Variants in PDE6B observed in about 807,000 individuals in gnomAD.
The protein encoded by PDE6B is rod cGMP-specific 3',5'-cyclic phosphodiesterase subunit beta.
A neutral mutation model predicts 109.0 loss-of-function variants in PDE6B; 106 were observed. The observed-to-expected ratio is 0.97, with a 90% CI of 0.83 to 1.14. PDE6B has a LOEUF of 1.14. Ranked by LOEUF, PDE6B falls within the 50% of genes most tolerant of loss-of-function variation. The probability of loss-of-function intolerance (pLI) is 0.00; values close to 1 mark genes in which losing one functional copy is unlikely to be tolerated. For synonymous variants in PDE6B, 490 were observed against 471.3 expected (o/e 1.04, Z -0.51); for missense variants, 1,193 against 1,155.6 (o/e 1.03, Z -0.47).
rs71636506 is a variant in PDE6B at position 642,725 on chromosome 4, C to CAAAAAAAA, written c.711+6774_711+6781dup. Among the ~76,000 whole-genome samples, 263 of 43,290 alleles carry CAAAAAAAA rather than the reference C, an allele frequency of 6.1e-3. 4 individuals are homozygous for CAAAAAAAA. Among genetic ancestry groups the CAAAAAAAA allele is most frequent in the East Asian group, 9.2e-3 (12 of 1,300 alleles). 28.4% of individuals were successfully genotyped at this position (43,290 alleles called of 152,430 possible). On this transcript the variant is annotated intron_variant, in intron 3 of 21. Coordinates refer to ENST00000496514, the MANE Select transcript of PDE6B (RefSeq NM_000283.4). The stretch of plus-strand genomic sequence containing the variant: ...CCAACCTGGACAACAGACACTGTCT[C>CAAAAAAAA]AAAAAAAAAAAAAAAAAAAAAAAAA...
rs768260906 is a variant in PDE6B, at chr4:660,536, G to A, written c.1537G>A (p.Glu513Lys). 5 of 1,613,708 alleles carry A rather than the reference G, an allele frequency of 3.1e-6. No individual in the cohort carries two copies. Among genetic ancestry groups the A allele is most frequent in the Non-Finnish European group, 4.2e-6 (5 of 1,179,760 alleles). The change falls in exon 12 of 22, where the codon GAA (glutamate) becomes AAA (lysine). Residue 513 changes from glutamate (E) to lysine (K), a missense_variant. Coordinates refer to ENST00000496514, the MANE Select transcript of PDE6B (RefSeq NM_000283.4). ...CCACTTCTCTGACCTGGAGTGCACCGAACTGGACCTGGTCAAATGTGGCAT... is the reference window on the plus strand; with the variant it reads ...CCACTTCTCTGACCTGGAGTGCACCAAACTGGACCTGGTCAAATGTGGCAT... ...EFHFSDLECTELDLVKCGIQM... is the reference protein window; with the variant it reads ...EFHFSDLECTKLDLVKCGIQM...
In PDE6B at chr4:639,881, G is replaced by C. The variant is rs544945991; in HGVS notation, c.711+3912G>C. On this transcript the variant is annotated intron_variant, in intron 3 of 21. Transcript: ENST00000496514. ...AGCTACTCGGGAGGCTGAGGCAGGA[G>C]AATCGCTTGAACCCAGGAGCTGGGT... Among the ~76,000 whole-genome samples the C allele has an allele frequency of 6.6e-5, 10 of 152,278 alleles. No individual in the cohort carries two copies. In the South Asian group the frequency reaches 1.9e-3, roughly 28 times the overall value.
rs112095373 is a variant in PDE6B at position 667,209 on chromosome 4, G to A, written c.2352+595G>A. ...ATGCCCATAAGAGCCAGCTGCCTCC[G>A]GCCACACTCCCTGGTGATGGAATCC... On this transcript the variant is annotated intron_variant, in intron 20 of 21. Transcript: ENST00000496514. Among the ~76,000 whole-genome samples, 910 of 152,232 alleles carry A rather than the reference G, an allele frequency of 6.0e-3. 8 individuals carry two copies. Among genetic ancestry groups the A allele is most frequent in the African/African-American group, 0.021 (861 of 41,542 alleles).
Position 662,169 on chromosome 4 carries a change from G to A in PDE6B, c.1650G>A (p.Gly550=), listed in dbSNP as rs1737176992. The change falls in exon 13 of 22, where the codon GGG becomes GGA. Residue 550 remains glycine, a synonymous_variant. Coordinates refer to ENST00000496514, the MANE Select transcript of PDE6B (RefSeq NM_000283.4). The surrounding 1 kb of genome is among the most constrained non-coding windows in gnomAD (Gnocchi z 4.3). ...LVRFLFSISK[G]YRRITYHNWR... is the part of the protein sequence containing the mutation. ...GGTTCCTGTTCTCCATCAGCAAAGGGTACCGGAGAATCACCTACCACAACT... is the reference window on the plus strand; with the variant it reads ...GGTTCCTGTTCTCCATCAGCAAAGGATACCGGAGAATCACCTACCACAACT... 1.9e-6 allele frequency: 3 copies of A among 1,577,784 alleles called. No homozygotes were observed. The highest frequency in any genetic ancestry group is 8.6e-7 in the Non-Finnish European group (1 of 1,161,628).
At position 669,755 on chromosome 4, in the gene PDE6B, C is replaced by CG. The variant is rs200622263; in HGVS notation, c.2504-291_2504-290insG. ...TATTCCCGCTACCCCATGCTATTCC[C>CG]CTACCCCATGCTATCCCCCTACCCC... On this transcript the variant is annotated intron_variant, in intron 21 of 21. Transcript: ENST00000496514. Among the ~76,000 whole-genome samples the CG allele has an allele frequency of 6.3e-4, 89 of 140,588 alleles. 1 individual carries two copies. Among genetic ancestry groups the CG allele is most frequent in the Non-Finnish European group, 9.3e-4 (60 of 64,508 alleles). 92.2% of individuals were successfully genotyped at this position (140,588 alleles called of 152,430 possible).
chr4:636,203 C>T lies in PDE6B; in HGVS notation c.711+234C>T, dbSNP rs62295358. Among the ~76,000 whole-genome samples, 386 of 152,300 alleles carry T rather than the reference C, an allele frequency of 2.5e-3. No individual in the cohort carries two copies. The highest frequency in any genetic ancestry group is 4.7e-3 in the Non-Finnish European group (322 of 68,032). ...ATCTGGCCAGAGTGGGTGTGAGGCA[C>T]CTGCAGAGGGGGAAAGGGGCACCTT... is the stretch of plus-strand genomic sequence containing the variant. On this transcript the variant is annotated intron_variant, in intron 3 of 21. Coordinates refer to ENST00000496514, the MANE Select transcript of PDE6B (RefSeq NM_000283.4). This position sits in a 1 kb window ranked among gnomAD's most constrained non-coding sequence, Gnocchi z 4.5.
chr4:654,550 G>A (rs144665980), intron 5 of PDE6B: 190 of 602,098 alleles, frequency 3.2e-4, no homozygotes, highest in African/African-American at 3.1e-3. Flanking sequence ...GTAAACCGCG[G>A]CGTGTGATGC....
chr4:660,721 T>TC, intron 12 of PDE6B, 108 bp downstream of exon 12: 3 of 958,962 alleles, frequency 3.1e-6, no homozygotes, highest in Non-Finnish European at 5.0e-6. Flanking sequence ...GGGGATGGGA[T>TC]TGGGGGTTCC....
At chr4:650,139 G>A (rs1735428473) in intron 3 of PDE6B, among the ~76,000 whole-genome samples, 1 of 152,192 alleles carries the variant, frequency 6.6e-6, no homozygotes, top group Admixed American at 6.5e-5. Flanking sequence ...CACGGGCTTG[G>A]GGCAGGAGGG....
intron 10 of PDE6B, among the ~76,000 whole-genome samples, chr4:658,690 G>T (rs1300081872): frequency 6.6e-6 from 1 of 152,144 alleles, no homozygotes; most frequent in East Asian, 1.9e-4. Context: ...CATGGCCAGA[G>T]CCCTCCTGGT....
Position 655,272 on chromosome 4 carries a change from G to A in PDE6B, c.992+384G>A, listed in dbSNP as rs149621091. On this transcript the variant is annotated intron_variant, in intron 6 of 21. Coordinates refer to ENST00000496514, the MANE Select transcript of PDE6B (RefSeq NM_000283.4). ...CAGACAGTGGAGCCTCCAGCCAGGAGGCCGAGTCTTGGCCCCGTGGGGCTG... is the reference window on the plus strand; with the variant it reads ...CAGACAGTGGAGCCTCCAGCCAGGAAGCCGAGTCTTGGCCCCGTGGGGCTG... 2.4e-5 allele frequency: 8 copies of A among 327,666 alleles called. No homozygotes were observed. In the East Asian group the frequency reaches 6.2e-4, roughly 25 times the overall value. 20.3% of individuals were successfully genotyped at this position (327,666 alleles called of 1,614,324 possible). A position where few individuals can be genotyped will look rare whatever the true frequency, so the allele number is the denominator to read the frequency against.
In PDE6B at chr4:656,869, C is replaced by T. The variant is rs768096047; in HGVS notation, c.1108-5C>T. The T allele has an allele frequency of 2.5e-5, 40 of 1,612,490 alleles. No homozygotes were observed. The highest frequency in any genetic ancestry group is 1.7e-4 in the Admixed American group (10 of 60,000). ...GGAGCTCAGCTCTGGACACCGCTCC[C>T]GCAGGAAGGGGCCCTGGACGACTCC... On this transcript the variant is annotated splice_polypyrimidine_tract_variant and splice_region_variant and intron_variant, in intron 8 of 21. Coordinates refer to ENST00000496514, the MANE Select transcript of PDE6B (RefSeq NM_000283.4).
At position 665,026 on chromosome 4, in the gene PDE6B, C is replaced by T; in HGVS notation, c.2193+82C>T. ...CCGGGCGGGCGGGAGCCTCGGATGG[C>T]AACGGACCATTGTTTGCAAGGAGCT... On this transcript the variant is annotated intron_variant, in intron 18 of 21. Coordinates refer to ENST00000496514, the MANE Select transcript of PDE6B (RefSeq NM_000283.4). This position sits in a 1 kb window ranked among gnomAD's most constrained non-coding sequence, Gnocchi z 4.0. 1 of 1,157,676 alleles carries T rather than the reference C, an allele frequency of 8.6e-7. No homozygotes were observed. The highest frequency in any genetic ancestry group is 1.7e-5 in the Admixed American group (1 of 57,974). The allele number at this position is 1,157,676 out of a possible 1,614,324, so 71.7% of individuals were successfully genotyped here.
Position 662,014 on chromosome 4 carries a change from G to T in PDE6B, c.1615-120G>T. ...GGATGGGGAAGATCGGGAAGTCCAGGAGACGGTGTGGGGATGATGGCACGG... is the reference window on the plus strand; with the variant it reads ...GGATGGGGAAGATCGGGAAGTCCAGTAGACGGTGTGGGGATGATGGCACGG... On this transcript the variant is annotated intron_variant, in intron 12 of 21. Coordinates refer to ENST00000496514, the MANE Select transcript of PDE6B (RefSeq NM_000283.4). This position sits in a 1 kb window ranked among gnomAD's most constrained non-coding sequence, Gnocchi z 4.3. 1.4e-6 allele frequency: 1 copy of T among 700,038 alleles called. No individual in the cohort carries two copies. The highest frequency in any genetic ancestry group is 2.6e-6 in the Non-Finnish European group (1 of 381,232). 43.4% of individuals were successfully genotyped at this position (700,038 alleles called of 1,614,324 possible).
At position 658,996 on chromosome 4, in the gene PDE6B, G is replaced by A. The variant is rs200443661; in HGVS notation, c.1446G>A (p.Glu482=). 6.2e-7 allele frequency: 1 copy of A among 1,613,510 alleles called. No homozygotes were observed. The highest frequency in any genetic ancestry group is 2.2e-5 in the East Asian group (1 of 44,876). Reference sequence around the variant, plus strand: ...GGAAGGAGCCTGCTGACTGCGATGAGGACGAGCTGGGCGAAATCCTGGTAA... The same window carrying A: ...GGAAGGAGCCTGCTGACTGCGATGAAGACGAGCTGGGCGAAATCCTGGTAA... The part of the protein sequence containing the change: ...RLGKEPADCD[E]DELGEILKEE... Residue 482 remains glutamate, a synonymous_variant, in exon 11 of 22, where the codon GAG becomes GAA. Coordinates refer to ENST00000496514, the MANE Select transcript of PDE6B (RefSeq NM_000283.4).
intron 10 of PDE6B, among the ~76,000 whole-genome samples, chr4:658,061 TCGTCCAGGGGTC>T (rs1296155226): frequency 2.0e-5 from 2 of 100,806 alleles, no homozygotes; most frequent in African/African-American, 4.1e-5. Flanking sequence ...TGGGGGCAGG[TCGTCCAGGGGTC>T]CATCCAGGGG....
intron 21 of PDE6B, 126 bp from the exon 22 acceptor site, chr4:669,920 G>A (rs1004337481): frequency 2.5e-6 from 2 of 801,276 alleles, no homozygotes; most frequent in African/African-American, 1.7e-5. Context: ...GGCTTGGGCT[G>A]GTCACAGACC....
intron 3 of PDE6B, among the ~76,000 whole-genome samples, chr4:643,113 T>A (rs112821075): frequency 0.024 from 3,597 of 152,008 alleles, 143 homozygotes; most frequent in African/African-American, 0.083. Flanking sequence ...ATTGACACCA[T>A]CCTGGCCAAC....
At chr4:651,385 T>C (rs964833498) in intron 3 of PDE6B, among the ~76,000 whole-genome samples, 1 of 152,076 alleles carries the variant, frequency 6.6e-6, no homozygotes, top group African/African-American at 2.4e-5. Context: ...TGGAAAGGAC[T>C]TGAGGCCAGG....
Sources: gnomAD v4.1 joint callset for allele counts (sites outside exome capture counted in the v4.1 genomes callset) on GRCh38, gnomAD v4.1.1 for gene constraint, Gnocchi (gnomAD v3.1) non-coding constraint, MANE v1.5 for transcripts, NCBI Gene and HGNC (gene_info 2026-07-23, HGNC 2026-07-21) for gene names.